ARID1B: variants seen among roughly 807,000 people sequenced by gnomAD.
ARID1B encodes the protein AT-rich interaction domain 1B, also known as AT-rich interactive domain-containing protein 1B.
A neutral mutation model predicts 212.3 loss-of-function variants in ARID1B; 30 were observed. The observed-to-expected ratio is 0.14, with a 90% confidence interval of 0.11 to 0.19. The LOEUF is 0.19. ARID1B is among the 10% of genes least tolerant of loss of function. The probability of loss-of-function intolerance (pLI) is 1.00; values close to 1 mark genes in which losing one functional copy is unlikely to be tolerated. For synonymous variants in ARID1B, 1,402 were observed against 1,301.7 expected (o/e 1.08, Z -1.66); for missense variants, 2,891 against 3,204.0 (o/e 0.90, Z 2.36).
chr6:157,103,398 A>T (rs1359166633), intron 5 of ARID1B, among the ~76,000 whole-genome samples: 1 of 152,230 alleles, frequency 6.6e-6, no homozygotes, highest in African/African-American at 2.4e-5. Flanking sequence ...TAAATTAAGA[A>T]CTATGGAAAG....
intron 4 of ARID1B, among the ~76,000 whole-genome samples, chr6:156,992,935 A>G (rs1237745478): frequency 6.6e-6 from 1 of 152,214 alleles, no homozygotes; most frequent in Admixed American, 6.5e-5. Context: ...AATAGTATTC[A>G]GTGAATTAAA....
At chr6:157,204,161 G>A in intron 19 of ARID1B, 165 bp downstream of exon 19, 3 of 862,630 alleles carry the variant, frequency 3.5e-6, no homozygotes, top group East Asian at 5.0e-5. Context: ...AGTTATCTGG[G>A]ATAATATTCA....
At chr6:156,985,753 T>G (rs1207598515) in intron 4 of ARID1B, 1 of 152,180 alleles carries the variant, frequency 6.6e-6, no homozygotes, top group Non-Finnish European at 1.5e-5. Flanking sequence ...ATAATAAAAC[T>G]TAAACGTCTG....
At chr6:156,912,903 G>A (rs1048795055) in intron 3 of ARID1B, among the ~76,000 whole-genome samples, 7 of 152,008 alleles carry the variant, frequency 4.6e-5, no homozygotes, top group Admixed American at 4.6e-4. Context: ...TTTCTTGACC[G>A]AAACCACAAG....
Position 157,200,959 on chromosome 6 carries a change from C to T in ARID1B, c.4734C>T (p.Ser1578=), listed in dbSNP as rs1372288477. 1.9e-6 allele frequency: 3 copies of T among 1,614,092 alleles called. No individual in the cohort carries two copies. Among genetic ancestry groups the T allele is most frequent in the East Asian group, 2.2e-5 (1 of 44,890 alleles). ...PQMMGGPLQS[S]SSEGPQQNMW... The stretch of plus-strand genomic sequence containing the variant: ...TGATGGGCGGCCCGCTGCAGTCGTC[C>T]TCCAGTGAGGGGCCTCAGCAGAATA... Residue 1578 remains serine, a synonymous_variant, in exon 18 of 20, where the codon TCC becomes TCT. Transcript: ENST00000636930. The surrounding 1 kb of genome is among the most constrained non-coding windows in gnomAD (Gnocchi z 4.3).
chr6:157,056,157 G>A (rs1370171700), intron 4 of ARID1B, among the ~76,000 whole-genome samples: 1 of 152,146 alleles, frequency 6.6e-6, no homozygotes, highest in East Asian at 1.9e-4. Flanking sequence ...CTCATACTTA[G>A]GGTCAGGCAT....
At chr6:157,194,061 T>C (rs1793560911) in intron 15 of ARID1B, 1 of 152,270 alleles carries the variant, frequency 6.6e-6, no homozygotes, top group Non-Finnish European at 1.5e-5. Context: ...ACTGTTTACC[T>C]TGGATTCATT....
intron 4 of ARID1B, among the ~76,000 whole-genome samples, chr6:157,059,408 T>C (rs1783195662): frequency 6.6e-6 from 1 of 152,254 alleles, no homozygotes; most frequent in Non-Finnish European, 1.5e-5. Context: ...CCTGAAATCT[T>C]CATTACATAG....
chr6:156,815,537 C>T (rs1234523743), intron 1 of ARID1B, among the ~76,000 whole-genome samples: 1 of 152,094 alleles, frequency 6.6e-6, no homozygotes, highest in African/African-American at 2.4e-5. Flanking sequence ...GTTGTGACAC[C>T]CTACTCAGAA....
intron 1 of ARID1B, among the ~76,000 whole-genome samples, chr6:156,801,699 G>A (rs1780802174): frequency 6.6e-6 from 1 of 151,874 alleles, no homozygotes; most frequent in Admixed American, 6.6e-5. Context: ...TTTTTTTTTA[G>A]TAGTAGAGAA....
intron 5 of ARID1B, among the ~76,000 whole-genome samples, chr6:157,089,027 G>C (rs770883297): frequency 3.3e-5 from 5 of 151,992 alleles, no homozygotes; most frequent in Non-Finnish European, 4.4e-5. Context: ...GTTGCTTCCT[G>C]CCATATCTCA....
intron 2 of ARID1B, among the ~76,000 whole-genome samples, chr6:156,871,145 G>C (rs766691782): frequency 6.6e-6 from 1 of 152,158 alleles, no homozygotes; most frequent in Non-Finnish European, 1.5e-5. Context: ...CTCCTTTCTT[G>C]TACAGCCTAT....
At chr6:157,189,219 G>A (rs546035670) in intron 13 of ARID1B, among the ~76,000 whole-genome samples, 2 of 152,218 alleles carry the variant, frequency 1.3e-5, no homozygotes, top group African/African-American at 4.8e-5. Flanking sequence ...ATAATTCATC[G>A]AGTTGATGCA....
chr6:157,165,343 C>T (rs952564205), intron 8 of ARID1B, among the ~76,000 whole-genome samples: 6 of 152,188 alleles, frequency 3.9e-5, no homozygotes, highest in East Asian at 1.9e-4. Flanking sequence ...CACCCTCATA[C>T]CTAAGAATCT....
At chr6:156,928,299 A>G (rs1791404503) in intron 3 of ARID1B, among the ~76,000 whole-genome samples, 1 of 152,194 alleles carries the variant, frequency 6.6e-6, no homozygotes, top group Non-Finnish European at 1.5e-5. Flanking sequence ...GGTGTCTGCC[A>G]TCGGATCAGG....
chr6:157,091,716 G>A (rs1326182023), intron 5 of ARID1B, among the ~76,000 whole-genome samples: 1 of 152,092 alleles, frequency 6.6e-6, no homozygotes, highest in East Asian at 1.9e-4. Context: ...GTCTCTTAGG[G>A]CTCAAGCCCA....
intron 5 of ARID1B, among the ~76,000 whole-genome samples, chr6:157,086,638 C>A (rs1784986874): frequency 1.3e-5 from 2 of 152,228 alleles, no homozygotes; most frequent in Admixed American, 6.5e-5. Flanking sequence ...TTCCACATGT[C>A]TGTCCTTCCA....
chr6:157,084,534 T>C (rs1784840429), intron 4 of ARID1B, 128 bp from the exon 5 acceptor site: 9 of 1,247,100 alleles, frequency 7.2e-6, no homozygotes, highest in Non-Finnish European at 9.9e-6. Flanking sequence ...GGCCATGCTT[T>C]TTTATTTTGG....
At chr6:157,014,884 TAA>T (rs10601743) in intron 4 of ARID1B, among the ~76,000 whole-genome samples, 67,050 of 142,042 alleles carry the variant, frequency 0.47, 15,347 homozygotes, top group East Asian at 0.67. Flanking sequence ...ATGCCAGGAA[TAA>T]AAAAAAAAAA....
Sources: gnomAD v4.1 joint callset for allele counts (sites outside exome capture counted in the v4.1 genomes callset) on GRCh38, gnomAD v4.1.1 for gene constraint, Gnocchi (gnomAD v3.1) non-coding constraint, MANE v1.5 for transcripts, NCBI Gene and HGNC (gene_info 2026-07-23, HGNC 2026-07-21) for gene names.